ATG10: variants seen among roughly 807,000 people sequenced by gnomAD.
ATG10 encodes autophagy related 10.
Under a neutral mutation model 32.1 loss-of-function variants are expected in ATG10, and 30 were observed. The ratio of observed to expected loss-of-function variants is 0.94; its 90% CI spans 0.70 to 1.27. ATG10 has a LOEUF of 1.27. ATG10 is among the 50% of genes most tolerant of loss of function. ATG10 has a pLI of 0.00. For missense variants in ATG10, 233 were observed against 262.3 expected, an observed-to-expected ratio of 0.89 and a Z score of 0.77; for synonymous variants, 87 against 91.5, an observed-to-expected ratio of 0.95 and a Z score of 0.28.
chr5:81,999,299 A>G (rs1379224773), intron 2 of ATG10, among the ~76,000 whole-genome samples: 1 of 152,206 alleles, frequency 6.6e-6, no homozygotes, highest in Admixed American at 6.5e-5. Context: ...AAATAATGAA[A>G]TTAAGGCAGA....
At chr5:82,026,687 C>A (rs906142544) in intron 2 of ATG10, among the ~76,000 whole-genome samples, 3 of 152,094 alleles carry the variant, frequency 2.0e-5, no homozygotes, top group African/African-American at 7.2e-5. Context: ...TTAAAAAATA[C>A]TTTTATTTCT....
chr5:82,038,334 T>G lies in ATG10; in HGVS notation c.109-20161T>G, dbSNP rs545393809. On this transcript the variant is annotated intron_variant, in intron 2 of 7. Transcript: ENST00000282185. ...GAGAGCATTTATCCATTGGTTTCCT[T>G]TGCTTATAGATCAAAGGTGGCCCCA... is the stretch of plus-strand genomic sequence containing the variant. Among the ~76,000 whole-genome samples, 7 of 152,326 alleles carry G rather than the reference T, an allele frequency of 4.6e-5. No homozygotes were observed. The South Asian group carries it at 1.4e-3, about 32-fold the overall frequency.
chr5:81,980,759 G>C (rs930701328), intron 1 of ATG10, among the ~76,000 whole-genome samples: 5 of 151,998 alleles, frequency 3.3e-5, no homozygotes, highest in African/African-American at 1.2e-4. Context: ...GTGCACCTCA[G>C]GGCTTTACCT....
At chr5:82,191,365 C>T (rs1011255486) in intron 5 of ATG10, among the ~76,000 whole-genome samples, 48 of 152,296 alleles carry the variant, frequency 3.2e-4, no homozygotes, top group African/African-American at 9.9e-4. Flanking sequence ...GGAGTACCTG[C>T]CAGCAGGGCT....
intron 3 of ATG10, among the ~76,000 whole-genome samples, chr5:82,119,154 A>G (rs1273187884): frequency 6.6e-6 from 1 of 152,214 alleles, no homozygotes; most frequent in African/African-American, 2.4e-5. Context: ...GTTTCCATTT[A>G]TAAAGCCTTA....
intron 3 of ATG10, among the ~76,000 whole-genome samples, chr5:82,143,747 A>G (rs1767238502): frequency 6.6e-6 from 1 of 152,168 alleles, no homozygotes; most frequent in Non-Finnish European, 1.5e-5. Context: ...CCAACACAGG[A>G]TTGGTTCTTA....
At chr5:81,992,671 C>T (rs936871259) in intron 2 of ATG10, among the ~76,000 whole-genome samples, 36 of 150,068 alleles carry the variant, frequency 2.4e-4, no homozygotes, top group Admixed American at 1.1e-3. Context: ...CCCAAAGTGC[C>T]GGGATTACAG....
chr5:82,190,160 C>T (rs1403644612), intron 5 of ATG10, among the ~76,000 whole-genome samples: 2 of 151,968 alleles, frequency 1.3e-5, no homozygotes, highest in African/African-American at 4.8e-5. Flanking sequence ...GTGGTATGAT[C>T]TGGGCTTAAA....
chr5:82,243,082 G>A (rs1746871208), intron 5 of ATG10, among the ~76,000 whole-genome samples: 1 of 152,008 alleles, frequency 6.6e-6, no homozygotes, highest in African/African-American at 2.4e-5. Flanking sequence ...CAGAATAATT[G>A]TACATTTTAT....
intron 3 of ATG10, 79 bp from the exon 4 acceptor site, chr5:82,164,318 GAA>G: frequency 1.5e-6 from 2 of 1,348,496 alleles, no homozygotes; most frequent in Non-Finnish European, 2.1e-6. Context: ...TTTGTGAGAA[GAA>G]AATCTCCTCT....
intron 2 of ATG10, among the ~76,000 whole-genome samples, chr5:82,033,958 A>G (rs927609312): frequency 1.2e-4 from 18 of 148,010 alleles, no homozygotes; most frequent in African/African-American, 4.2e-4. Context: ...ATATGTATAT[A>G]TACATATATA....
At chr5:82,135,073 C>G (rs1370574979) in intron 3 of ATG10, among the ~76,000 whole-genome samples, 1 of 151,502 alleles carries the variant, frequency 6.6e-6, no homozygotes, top group Non-Finnish European at 1.5e-5. Flanking sequence ...TGGTGATCTC[C>G]CCTTTATCAT....
At chr5:82,247,151 T>C (rs961897307) in intron 5 of ATG10, among the ~76,000 whole-genome samples, 1 of 152,196 alleles carries the variant, frequency 6.6e-6, no homozygotes, top group Non-Finnish European at 1.5e-5. Flanking sequence ...TAGAGTTTGT[T>C]GAGCTTCTGG....
intron 3 of ATG10, among the ~76,000 whole-genome samples, chr5:82,133,478 G>T (rs913199315): frequency 4.6e-5 from 7 of 152,068 alleles, no homozygotes; most frequent in African/African-American, 1.4e-4. Context: ...ATGGAATAGG[G>T]AATCTTTTCC....
intron 5 of ATG10, among the ~76,000 whole-genome samples, chr5:82,243,314 GA>G (rs1205535477): frequency 2.0e-5 from 3 of 151,742 alleles, no homozygotes; most frequent in African/African-American, 7.3e-5. Flanking sequence ...CAATAAGATG[GA>G]AAAAAAGTGA....
intron 2 of ATG10, among the ~76,000 whole-genome samples, chr5:82,010,691 C>G (rs1762105508): frequency 6.6e-6 from 1 of 152,148 alleles, no homozygotes; most frequent in Non-Finnish European, 1.5e-5. Flanking sequence ...TGAACTAACA[C>G]TAGGTCTAAT....
chr5:82,130,505 G>A (rs1386346653), intron 3 of ATG10, among the ~76,000 whole-genome samples: 3 of 152,096 alleles, frequency 2.0e-5, no homozygotes, highest in Non-Finnish European at 1.5e-5. Context: ...CTGGTCTGTG[G>A]GTTGCCAAGA....
rs776142718 is a variant in ATG10, at chr5:81,995,124, GTA to G, written c.108+7448_108+7449del. On this transcript the variant is annotated intron_variant, in intron 2 of 7. Transcript: ENST00000282185. Reference sequence around the variant, plus strand: ...TATTTTTCAGAAATTTCATGTGTGTGTATGTGTGTGTGTGTGTGTGTTTTGAG... The same window carrying G: ...TATTTTTCAGAAATTTCATGTGTGTGTGTGTGTGTGTGTGTGTGTTTTGAG... 1.3e-4 allele frequency among the ~76,000 whole-genome samples: 20 copies of G among 151,108 alleles called. No individual in the cohort carries two copies. The Middle Eastern group carries it at 0.01, about 79-fold the overall frequency.
At chr5:82,143,541 G>C (rs1403754433) in intron 3 of ATG10, among the ~76,000 whole-genome samples, 1 of 152,256 alleles carries the variant, frequency 6.6e-6, no homozygotes, top group Non-Finnish European at 1.5e-5. Flanking sequence ...GTGAACAAAA[G>C]GATAGATTTA....
Sources: gnomAD v4.1 joint callset for allele counts (sites outside exome capture counted in the v4.1 genomes callset) on GRCh38, gnomAD v4.1.1 for gene constraint, MANE v1.5 for transcripts, NCBI Gene and HGNC (gene_info 2026-07-23, HGNC 2026-07-21) for gene names.